Variants in EFNA5 observed in about 807,000 individuals in gnomAD.
The protein encoded by EFNA5 is ephrin A5, also known as ephrin-A5.
EFNA5 carries 5 observed loss-of-function variants against 22.9 expected under a neutral mutation model. That is an observed-to-expected ratio of 0.22 (90% confidence interval 0.11 to 0.46). EFNA5 has a LOEUF of 0.46. Among genes scored for constraint, EFNA5 ranks in the 20% least tolerant of loss-of-function variants. The pLI is 0.99. For synonymous variants in EFNA5, 113 were observed against 112.2 expected (o/e 1.01, Z -0.04); for missense variants, 237 against 293.3 (o/e 0.81, Z 1.40).
intron 1 of EFNA5, among the ~76,000 whole-genome samples, chr5:107,508,141 A>T (rs1451642146): frequency 1.3e-5 from 2 of 152,176 alleles, no homozygotes; most frequent in African/African-American, 4.8e-5. Flanking sequence ...TGGGCAAATC[A>T]GGTCTCCTTC....
At chr5:107,592,663 G>A (rs530079379) in intron 1 of EFNA5, among the ~76,000 whole-genome samples, 1 of 152,262 alleles carries the variant, frequency 6.6e-6, no homozygotes, top group South Asian at 2.1e-4. Context: ...AAGAGATGCA[G>A]GGACAGGCTC....
intron 1 of EFNA5, among the ~76,000 whole-genome samples, chr5:107,444,900 A>T (rs1003372614): frequency 6.6e-6 from 1 of 152,208 alleles, no homozygotes; most frequent in Non-Finnish European, 1.5e-5. Context: ...TAATTAGTTT[A>T]AATGCTTACC....
At position 107,642,263 on chromosome 5, in the gene EFNA5, T is replaced by C. The variant is rs149053299; in HGVS notation, c.125+28226A>G. ...AGAAGGAATAAGTTCAAGAGATCTA[T>C]TGTGCATTATAGTGGCTATAGTTAA... On this transcript the variant is annotated intron_variant, in intron 1 of 4. Transcript: ENST00000333274. Among the ~76,000 whole-genome samples, 11 of 152,304 alleles carry C rather than the reference T, an allele frequency of 7.2e-5. No individual in the cohort carries two copies. The East Asian group carries it at 1.7e-3, about 24-fold the overall frequency.
intron 1 of EFNA5, among the ~76,000 whole-genome samples, chr5:107,515,373 T>TATC (rs1747455508): frequency 6.8e-6 from 1 of 147,256 alleles, no homozygotes; most frequent in Admixed American, 6.8e-5. Context: ...TTATTATTAT[T>TATC]ATTATTATTA....
At chr5:107,544,984 A>G (rs1748117481) in intron 1 of EFNA5, among the ~76,000 whole-genome samples, 1 of 152,244 alleles carries the variant, frequency 6.6e-6, no homozygotes, top group Non-Finnish European at 1.5e-5. Flanking sequence ...CCCATCCTTG[A>G]GGCTGATTTG....
chr5:107,454,852 C>A (rs564773751), intron 1 of EFNA5, among the ~76,000 whole-genome samples: 6 of 151,942 alleles, frequency 3.9e-5, no homozygotes, highest in Non-Finnish European at 8.8e-5. Flanking sequence ...ACTTTCTTTC[C>A]ACTGTGGCTA....
chr5:107,444,031 C>T (rs151260912), intron 1 of EFNA5, among the ~76,000 whole-genome samples: 5 of 152,280 alleles, frequency 3.3e-5, no homozygotes, highest in Non-Finnish European at 5.9e-5. Context: ...TTCACATTAT[C>T]TACGAGGAAC....
chr5:107,587,517 T>TTTG (rs375497148), intron 1 of EFNA5, among the ~76,000 whole-genome samples: 1 of 152,126 alleles, frequency 6.6e-6, no homozygotes, highest in African/African-American at 2.4e-5. Context: ...ACCTATAGTT[T>TTTG]TTGTTGTTGT....
chr5:107,566,287 C>T (rs1318969564), intron 1 of EFNA5, among the ~76,000 whole-genome samples: 2 of 152,142 alleles, frequency 1.3e-5, no homozygotes, highest in Non-Finnish European at 2.9e-5. Flanking sequence ...AGTCATGTTA[C>T]TGGGTGAGAG....
In EFNA5 at chr5:107,379,658, C is replaced by T. The variant is rs953391329; in HGVS notation, c.*1597G>A. Reference sequence around the variant, plus strand: ...GACAGCCCCACCACCAGTAGAAACCCCAAGGCTTGCATTTCCTGGTAATCG... The same window carrying T: ...GACAGCCCCACCACCAGTAGAAACCTCAAGGCTTGCATTTCCTGGTAATCG... On this transcript the variant is annotated 3_prime_UTR_variant, in exon 5 of 5. Coordinates refer to ENST00000333274, the MANE Select transcript of EFNA5 (RefSeq NM_001962.3). The T allele has an allele frequency of 6.6e-6, 1 of 151,602 alleles. No individual in the cohort carries two copies. Among genetic ancestry groups the T allele is most frequent in the Non-Finnish European group, 1.5e-5 (1 of 67,938 alleles). The allele number at this position is 151,602 out of a possible 1,614,324, so 9.4% of individuals were successfully genotyped here.
At chr5:107,572,526 A>G (rs1748836248) in intron 1 of EFNA5, among the ~76,000 whole-genome samples, 1 of 152,204 alleles carries the variant, frequency 6.6e-6, no homozygotes, top group Non-Finnish European at 1.5e-5. Flanking sequence ...TAAGTCATTC[A>G]CAGATACAGT....
rs1580517715 is a variant in EFNA5, at chr5:107,535,570, T to G, written c.126-108061A>C. On this transcript the variant is annotated intron_variant, in intron 1 of 4. Transcript: ENST00000333274. ...TATATTTACCTTTATTATATGACAT[T>G]ATTTTTATAGAAAACAGAAACTATA... Among the ~76,000 whole-genome samples the G allele has an allele frequency of 2.0e-5, 3 of 152,302 alleles. No homozygotes were observed. In the East Asian group the frequency reaches 5.8e-4, roughly 29 times the overall value.
intron 2 of EFNA5, among the ~76,000 whole-genome samples, chr5:107,408,792 C>T (rs190053337): frequency 1.6e-4 from 24 of 152,322 alleles, no homozygotes; most frequent in Admixed American, 2.6e-4. Context: ...CACAGACAGA[C>T]CAAACCATCT....
intron 1 of EFNA5, among the ~76,000 whole-genome samples, chr5:107,458,760 C>T (rs1561395187): frequency 1.3e-5 from 2 of 152,126 alleles, no homozygotes; most frequent in African/African-American, 4.8e-5. Context: ...ACAATTGTTA[C>T]AGTAACCAAA....
chr5:107,635,302 A>C (rs1047289424), intron 1 of EFNA5, among the ~76,000 whole-genome samples: 1 of 152,184 alleles, frequency 6.6e-6, no homozygotes, highest in African/African-American at 2.4e-5. Flanking sequence ...AACTCCTTAT[A>C]ATTTTTAGCC....
chr5:107,486,962 T>C (rs1048682242), intron 1 of EFNA5, among the ~76,000 whole-genome samples: 1 of 152,170 alleles, frequency 6.6e-6, no homozygotes, highest in African/African-American at 2.4e-5. Flanking sequence ...ATCTCTCAAA[T>C]ACTCCACATT....
At chr5:107,398,008 C>T (rs986383756) in intron 2 of EFNA5, among the ~76,000 whole-genome samples, 3 of 152,136 alleles carry the variant, frequency 2.0e-5, no homozygotes, top group African/African-American at 7.2e-5. Flanking sequence ...TTTCCATAAT[C>T]TGGTCCCAAC....
intron 1 of EFNA5, among the ~76,000 whole-genome samples, chr5:107,629,800 T>C (rs1190149199): frequency 6.6e-6 from 1 of 152,178 alleles, no homozygotes; most frequent in Admixed American, 6.5e-5. Context: ...CTCATGCCTG[T>C]AATCCCAGCA....
At chr5:107,433,607 T>G (rs976291825) in intron 1 of EFNA5, among the ~76,000 whole-genome samples, 1 of 152,268 alleles carries the variant, frequency 6.6e-6, no homozygotes, top group East Asian at 1.9e-4. Flanking sequence ...TGTTAATATC[T>G]CTCCCTTGCT....
Sources: allele counts gnomAD v4.1 joint callset (sites outside exome capture counted in the v4.1 genomes callset), GRCh38; gene constraint gnomAD v4.1.1; transcripts MANE v1.5; gene names NCBI Gene and HGNC (gene_info 2026-07-23, HGNC 2026-07-21).